The following MYO6 variants were observed in gnomAD, a reference collection of about 807,000 sequenced individuals.
MYO6 encodes the protein myosin VI.
In MYO6, 74 loss-of-function variants were observed where a neutral mutation model predicts 178.7. The observed-to-expected ratio is 0.41, with a 90% CI of 0.34 to 0.50. The LOEUF (loss-of-function observed/expected upper bound fraction) is 0.50, where lower values mean the gene tolerates loss of function less well. Ranked by LOEUF, MYO6 falls within the 20% of genes least tolerant of loss-of-function variation. The pLI, the probability that MYO6 is intolerant of heterozygous loss-of-function variation, is 0.09. For synonymous variants in MYO6, 477 were observed against 504.6 expected, an observed-to-expected ratio of 0.95 and a Z score of 0.73; for missense variants, 1,330 against 1,547.4, an observed-to-expected ratio of 0.86 and a Z score of 2.36.
chr6:75,887,058 A>G (rs1234595695), intron 25 of MYO6, 64 bp downstream of exon 25: 3 of 1,493,166 alleles, frequency 2.0e-6, no homozygotes, highest in East Asian at 2.3e-5. Context: ...TGTTATTGGT[A>G]TTGAAATTGT....
chr6:75,803,072 A>G (rs868467408), intron 1 of MYO6, among the ~76,000 whole-genome samples: 33 of 152,208 alleles, frequency 2.2e-4, no homozygotes, highest in African/African-American at 5.5e-4. Flanking sequence ...TCTAAATCCA[A>G]ATCTGTCTTG....
rs575632939 is a variant in MYO6, at chr6:75,876,745, AT to A, written c.2078-3068del. ...GATAATACCAATTCATTATACTTTG[AT>A]TTTTTTAAGTATCAATAATAGATAT... On this transcript the variant is annotated intron_variant, in intron 20 of 34. Transcript: ENST00000369977. Among the ~76,000 whole-genome samples, 456 of 152,222 alleles carry A rather than the reference AT, an allele frequency of 3.0e-3. 4 individuals are homozygous for A. Among genetic ancestry groups the A allele is most frequent in the African/African-American group, 0.011 (437 of 41,528 alleles).
chr6:75,851,490 T>C (rs1775259161), intron 11 of MYO6, among the ~76,000 whole-genome samples: 1 of 152,094 alleles, frequency 6.6e-6, no homozygotes, highest in Non-Finnish European at 1.5e-5. Context: ...TAATTTGGCA[T>C]GTCTTAGCAA....
chr6:75,763,136 C>T (rs1582996497), intron 1 of MYO6, among the ~76,000 whole-genome samples: 1 of 151,902 alleles, frequency 6.6e-6, no homozygotes. Flanking sequence ...AAGCGATTCT[C>T]CTGCCTTAGC....
At chr6:75,903,186 A>G (rs1306156475) in intron 30 of MYO6, among the ~76,000 whole-genome samples, 1 of 151,886 alleles carries the variant, frequency 6.6e-6, no homozygotes, top group African/African-American at 2.4e-5. Context: ...GTGGTGCTGA[A>G]AAAAATGTAT....
intron 12 of MYO6, among the ~76,000 whole-genome samples, chr6:75,856,756 C>G (rs1202569529): frequency 6.6e-6 from 1 of 152,058 alleles, no homozygotes; most frequent in African/African-American, 2.4e-5. Flanking sequence ...TAAAGTTATC[C>G]TGAATTAAAC....
At chr6:75,770,989 C>A (rs1017039067) in intron 1 of MYO6, among the ~76,000 whole-genome samples, 5 of 150,992 alleles carry the variant, frequency 3.3e-5, no homozygotes, top group Non-Finnish European at 7.4e-5. Context: ...AAGATAACAG[C>A]ACTTTTTTTT....
chr6:75,791,746 T>G (rs894997531), intron 1 of MYO6, among the ~76,000 whole-genome samples: 5 of 152,256 alleles, frequency 3.3e-5, no homozygotes, highest in Non-Finnish European at 7.3e-5. Flanking sequence ...TACTATTTAT[T>G]TGTGAACGTT....
Position 75,759,422 on chromosome 6 carries a change from G to A in MYO6, c.-48+9999G>A, listed in dbSNP as rs375505212. On this transcript the variant is annotated intron_variant, in intron 1 of 34. Coordinates refer to ENST00000369977, the MANE Select transcript of MYO6 (RefSeq NM_004999.4). ...ATTCTTAGTTCTCCAGAAATTACCAGAGCAGAAAGCTGGCATTGTAGAGGA... is the reference window on the plus strand; with the variant it reads ...ATTCTTAGTTCTCCAGAAATTACCAAAGCAGAAAGCTGGCATTGTAGAGGA... 5.5e-4 allele frequency among the ~76,000 whole-genome samples: 83 copies of A among 152,286 alleles called. No homozygotes were observed. In the Middle Eastern group the frequency reaches 0.02, roughly 37 times the overall value.
At chr6:75,773,951 G>C (rs1160058236) in intron 1 of MYO6, among the ~76,000 whole-genome samples, 2 of 152,066 alleles carry the variant, frequency 1.3e-5, no homozygotes, top group African/African-American at 4.8e-5. Flanking sequence ...TTTTTAGAAG[G>C]CCTTAAAAAT....
intron 1 of MYO6, chr6:75,767,975 A>G (rs1315645743): frequency 6.6e-6 from 1 of 152,190 alleles, no homozygotes; most frequent in Non-Finnish European, 1.5e-5. Context: ...AACTCCGGGT[A>G]TCAAGTGATT....
chr6:75,767,051 A>T (rs1287045659), intron 1 of MYO6, among the ~76,000 whole-genome samples: 1 of 148,866 alleles, frequency 6.7e-6, no homozygotes, highest in Non-Finnish European at 1.5e-5. Context: ...TTTGAGATGG[A>T]GTCTTGCTCT....
At chr6:75,891,507 C>T (rs1197467578) in intron 27 of MYO6, among the ~76,000 whole-genome samples, 1 of 152,056 alleles carries the variant, frequency 6.6e-6, no homozygotes, top group Non-Finnish European at 1.5e-5. Context: ...TGGTGGGCAC[C>T]TGTAGCCCCA....
intron 1 of MYO6, among the ~76,000 whole-genome samples, chr6:75,754,705 C>CT (rs1777200744): frequency 6.6e-6 from 1 of 151,902 alleles, no homozygotes; most frequent in African/African-American, 2.4e-5. Context: ...CCTGTGCTGG[C>CT]ATATCTTTGG....
chr6:75,751,134 A>T (rs1343494239), intron 1 of MYO6, among the ~76,000 whole-genome samples: 1 of 152,250 alleles, frequency 6.6e-6, no homozygotes, highest in Non-Finnish European at 1.5e-5. Context: ...GGCTATAGCC[A>T]GAGCTTGAAA....
At chr6:75,807,681 A>G (rs1013770289) in intron 1 of MYO6, among the ~76,000 whole-genome samples, 49 of 152,218 alleles carry the variant, frequency 3.2e-4, no homozygotes, top group African/African-American at 1.1e-3. Context: ...AATAAAGAAT[A>G]GCTCCTCCAC....
chr6:75,889,532 C>T (rs985559055), intron 25 of MYO6, among the ~76,000 whole-genome samples: 2 of 152,080 alleles, frequency 1.3e-5, no homozygotes, highest in Non-Finnish European at 2.9e-5. Context: ...CTCAGCCTCC[C>T]GAGTAGCTGG....
At chr6:75,831,104 A>T (rs1229968801) in intron 5 of MYO6, among the ~76,000 whole-genome samples, 1 of 152,212 alleles carries the variant, frequency 6.6e-6, no homozygotes, top group Admixed American at 6.5e-5. Flanking sequence ...TGCCTTTCTC[A>T]GCCTCTTTTA....
At chr6:75,796,754 C>T (rs1260988740) in intron 1 of MYO6, among the ~76,000 whole-genome samples, 1 of 151,966 alleles carries the variant, frequency 6.6e-6, no homozygotes, top group Non-Finnish European at 1.5e-5. Flanking sequence ...AGGCATGAGC[C>T]ACCACACCTG....
Sources: allele counts gnomAD v4.1 joint callset (sites outside exome capture counted in the v4.1 genomes callset), GRCh38; gene constraint gnomAD v4.1.1; transcripts MANE v1.5; gene names NCBI Gene and HGNC (gene_info 2026-07-23, HGNC 2026-07-21).